Variants in CDH12 observed in about 807,000 individuals in gnomAD.
CDH12 encodes the protein cadherin-12.
CDH12 carries 41 observed loss-of-function variants against 74.1 expected under a neutral mutation model. The ratio of observed to expected loss-of-function variants is 0.55; its 90% CI spans 0.43 to 0.72. The LOEUF is 0.72. Among genes scored for constraint, CDH12 ranks in the 30% least tolerant of loss-of-function variants. The pLI is 0.00. For missense variants in CDH12, 945 were observed against 977.2 expected (o/e 0.97, Z 0.44); for synonymous variants, 399 against 355.0 (o/e 1.12, Z -1.39).
At position 21,817,084 on chromosome 5, in the gene CDH12, A is replaced by G. The variant is rs1357913645; in HGVS notation, c.863T>C (p.Ile288Thr). 4.3e-6 allele frequency: 7 copies of G among 1,612,536 alleles called. No individual in the cohort carries two copies. In the South Asian group the frequency reaches 6.6e-5, roughly 15 times the overall value. ...VPESSPIGSA[I>T]GRIRAVDPDF... ...AGGATCCACAGCTCTTATTCTTCCAATAGCTGAACCAATAGGGGAAGACTC... is the reference window on the plus strand; with the variant it reads ...AGGATCCACAGCTCTTATTCTTCCAGTAGCTGAACCAATAGGGGAAGACTC... Residue 288 changes from isoleucine to threonine, a missense_variant, in exon 9 of 15, where the codon ATT becomes ACT. By Grantham distance (89) the Ile-to-Thr change is moderately conservative (BLOSUM62 -1). Transcript: ENST00000382254.
At chr5:21,756,986 T>C (rs1360276688) in intron 13 of CDH12, among the ~76,000 whole-genome samples, 5 of 152,044 alleles carry the variant, frequency 3.3e-5, no homozygotes, top group Non-Finnish European at 7.4e-5. Context: ...TCTTCAGCAA[T>C]TGATGGTTGA....
At chr5:21,838,019 T>C (rs1749637140) in intron 8 of CDH12, among the ~76,000 whole-genome samples, 1 of 152,126 alleles carries the variant, frequency 6.6e-6, no homozygotes, top group African/African-American at 2.4e-5. Context: ...TGCTCTAAGA[T>C]TGTAGAGTGA....
At chr5:21,985,734 T>C (rs1253229389) in intron 5 of CDH12, among the ~76,000 whole-genome samples, 1 of 152,146 alleles carries the variant, frequency 6.6e-6, no homozygotes, top group Non-Finnish European at 1.5e-5. Flanking sequence ...TGTTTCCTTT[T>C]TTGAAGTTGC....
rs575580407 is a variant in CDH12, at chr5:22,252,750, T to G, written c.-332-40107A>C. Reference sequence around the variant, plus strand: ...GTTTGCTATTCTTTCTCAGTGGAATTATCTTTCCTGCCTTTTTTCCCCATG... The same window carrying G: ...GTTTGCTATTCTTTCTCAGTGGAATGATCTTTCCTGCCTTTTTTCCCCATG... On this transcript the variant is annotated intron_variant, in intron 3 of 14. Transcript: ENST00000382254. 1.4e-4 allele frequency among the ~76,000 whole-genome samples: 21 copies of G among 152,102 alleles called. No homozygotes were observed. In the South Asian group the frequency reaches 4.1e-3, roughly 30 times the overall value.
At chr5:22,111,318 G>A (rs1215689116) in intron 4 of CDH12, among the ~76,000 whole-genome samples, 3 of 152,076 alleles carry the variant, frequency 2.0e-5, no homozygotes, top group African/African-American at 4.8e-5. Context: ...ACCTTTAAAA[G>A]TTGCTCTTTA....
At chr5:22,502,641 CACACACACACGCACACACAG>C in intron 2 of CDH12, among the ~76,000 whole-genome samples, 1 of 143,238 alleles carries the variant, frequency 7.0e-6, no homozygotes, top group East Asian at 2.3e-4. Context: ...CATCTTTACA[CACACACACACGCACACACAG>C]ACACACACAC....
intron 4 of CDH12, among the ~76,000 whole-genome samples, chr5:22,098,596 C>T (rs1175758380): frequency 2.0e-5 from 3 of 152,206 alleles, no homozygotes; most frequent in Non-Finnish European, 2.9e-5. Context: ...TTCCTCCCAC[C>T]TGACACATAT....
At chr5:22,794,379 A>G (rs1335701521) in intron 1 of CDH12, among the ~76,000 whole-genome samples, 1 of 152,168 alleles carries the variant, frequency 6.6e-6, no homozygotes, top group Non-Finnish European at 1.5e-5. Context: ...TCAGAACAAA[A>G]TAGCCAATAT....
chr5:21,975,913 A>G (rs1757054280), intron 5 of CDH12, among the ~76,000 whole-genome samples: 1 of 152,126 alleles, frequency 6.6e-6, no homozygotes, highest in Non-Finnish European at 1.5e-5. Flanking sequence ...AAAATAAATT[A>G]GCTCATAAAC....
At position 21,953,053 on chromosome 5, in the gene CDH12, T is replaced by C. The variant is rs926375104; in HGVS notation, c.526+22038A>G. Among the ~76,000 whole-genome samples the C allele has an allele frequency of 1.8e-3, 267 of 151,910 alleles. 3 individuals are homozygous for C. Among genetic ancestry groups the C allele is most frequent in the African/African-American group, 5.9e-3 (245 of 41,398 alleles). On this transcript the variant is annotated intron_variant, in intron 6 of 14. Transcript: ENST00000382254. ...AATGCAGCCATGCTTCCCCTTTCTA[T>C]GCCTTTCCAGGACCTAGGAGTGATT...
intron 1 of CDH12, among the ~76,000 whole-genome samples, chr5:22,763,149 A>T (rs570813476): frequency 1.1e-4 from 16 of 152,090 alleles, no homozygotes; most frequent in African/African-American, 2.6e-4. Flanking sequence ...TTCATAACGG[A>T]ACATCATGGT....
At chr5:22,788,583 ATATAT>A (rs777432458) in intron 1 of CDH12, among the ~76,000 whole-genome samples, 1 of 148,202 alleles carries the variant, frequency 6.7e-6, no homozygotes, top group Non-Finnish European at 1.5e-5. Flanking sequence ...TATATGAAAT[ATATAT>A]TATAATATAT....
intron 1 of CDH12, among the ~76,000 whole-genome samples, chr5:22,711,828 G>T (rs554902273): frequency 1.3e-5 from 2 of 152,160 alleles, no homozygotes; most frequent in Non-Finnish European, 2.9e-5. Flanking sequence ...AATTAGAGAA[G>T]TAATAACTTT....
intron 2 of CDH12, among the ~76,000 whole-genome samples, chr5:22,425,462 A>G (rs1341810999): frequency 1.3e-5 from 2 of 151,528 alleles, no homozygotes; most frequent in Non-Finnish European, 2.9e-5. Flanking sequence ...GCGTCATTAT[A>G]TGAAGGCGGT....
At chr5:22,148,546 T>C (rs1456309729) in intron 4 of CDH12, among the ~76,000 whole-genome samples, 2 of 151,850 alleles carry the variant, frequency 1.3e-5, no homozygotes, top group African/African-American at 4.8e-5. Context: ...ATAACAGAAA[T>C]TGATTTTTTT....
chr5:22,823,149 C>T (rs1022857639), intron 1 of CDH12, among the ~76,000 whole-genome samples: 16 of 149,948 alleles, frequency 1.1e-4, no homozygotes, highest in South Asian at 2.1e-4. Context: ...AACCAAACAC[C>T]GCATGTTCTC....
intron 1 of CDH12, among the ~76,000 whole-genome samples, chr5:22,849,160 G>A (rs1021043861): frequency 1.3e-5 from 2 of 152,100 alleles, no homozygotes; most frequent in African/African-American, 4.8e-5. Context: ...AAAGGAGAAA[G>A]ACCTGACCAT....
chr5:21,853,177 A>G (rs992895758), intron 7 of CDH12, among the ~76,000 whole-genome samples: 2 of 151,550 alleles, frequency 1.3e-5, no homozygotes, highest in Non-Finnish European at 3.0e-5. Flanking sequence ...GATATTGCTA[A>G]ACATTTTCTT....
At chr5:21,884,560 GGGTACAAGA>G (rs1365782265) in intron 6 of CDH12, among the ~76,000 whole-genome samples, 1 of 152,084 alleles carries the variant, frequency 6.6e-6, no homozygotes, top group Non-Finnish European at 1.5e-5. Context: ...TCCTGATACT[GGGTACAAGA>G]GCCATGTACC....
Sources: gnomAD v4.1 joint callset for allele counts (sites outside exome capture counted in the v4.1 genomes callset) on GRCh38, gnomAD v4.1.1 for gene constraint, MANE v1.5 for transcripts, NCBI Gene and HGNC (gene_info 2026-07-23, HGNC 2026-07-21) for gene names.